The following NRCAM variants were observed in gnomAD, a reference collection of about 807,000 sequenced individuals.
NRCAM encodes neuronal cell adhesion molecule.
In NRCAM, 83 loss-of-function variants were observed where a neutral mutation model predicts 156.5. The observed-to-expected ratio is 0.53, with a 90% CI of 0.44 to 0.64. The LOEUF (loss-of-function observed/expected upper bound fraction) is 0.64, where lower values mean the gene tolerates loss of function less well. NRCAM is among the 30% of genes least tolerant of loss of function. NRCAM has a pLI of 0.00. For missense variants in NRCAM, 1,417 were observed against 1,597.3 expected, an observed-to-expected ratio of 0.89 and a Z score of 1.92; for synonymous variants, 538 against 563.9, an observed-to-expected ratio of 0.95 and a Z score of 0.65.
chr7:108,428,903 G>A (rs1820898586), intron 1 of NRCAM, among the ~76,000 whole-genome samples: 1 of 149,890 alleles, frequency 6.7e-6, no homozygotes, highest in Admixed American at 6.7e-5. Context: ...AAAAGTTTTT[G>A]GAATTTTGAC....
At chr7:108,330,060 C>T (rs1445265588) in intron 2 of NRCAM, among the ~76,000 whole-genome samples, 5 of 152,120 alleles carry the variant, frequency 3.3e-5, no homozygotes, top group Admixed American at 6.5e-5. Context: ...TGATACAACA[C>T]ACATGACTGA....
chr7:108,434,594 C>G (rs1053734798), intron 1 of NRCAM, among the ~76,000 whole-genome samples: 5 of 150,974 alleles, frequency 3.3e-5, no homozygotes, highest in African/African-American at 1.2e-4. Flanking sequence ...CAAGAGAGGA[C>G]AGCTGAATGT....
intron 2 of NRCAM, among the ~76,000 whole-genome samples, chr7:108,354,587 A>G (rs1381725534): frequency 6.6e-6 from 1 of 152,222 alleles, no homozygotes; most frequent in Non-Finnish European, 1.5e-5. Context: ...ATGCTGGATA[A>G]GAACAACATT....
At chr7:108,228,057 C>T (rs1306878250) in intron 8 of NRCAM, among the ~76,000 whole-genome samples, 1 of 152,162 alleles carries the variant, frequency 6.6e-6, no homozygotes, top group Admixed American at 6.5e-5. Context: ...CTTGGTGGCT[C>T]ATGTCTGTAA....
chr7:108,374,461 C>A (rs925218463), intron 2 of NRCAM, among the ~76,000 whole-genome samples: 23 of 151,996 alleles, frequency 1.5e-4, no homozygotes, highest in South Asian at 2.1e-4. Context: ...GAAGACTCTA[C>A]CTGAATATTA....
At chr7:108,422,448 C>A (rs749113130) in intron 1 of NRCAM, among the ~76,000 whole-genome samples, 1 of 152,102 alleles carries the variant, frequency 6.6e-6, no homozygotes, top group Non-Finnish European at 1.5e-5. Flanking sequence ...ACTGAATACT[C>A]ACTTACTGTA....
At chr7:108,447,259 CTT>C (rs34273772) in intron 1 of NRCAM, among the ~76,000 whole-genome samples, 39 of 84,232 alleles carry the variant, frequency 4.6e-4, no homozygotes, top group Non-Finnish European at 5.1e-4. Context: ...TCACTTCTTT[CTT>C]TTTTTTTTTT....
chr7:108,382,679 T>A (rs1191482091), intron 2 of NRCAM, among the ~76,000 whole-genome samples: 2 of 152,136 alleles, frequency 1.3e-5, no homozygotes, highest in African/African-American at 4.8e-5. Flanking sequence ...TACCCTGGCA[T>A]CTAAGTACTA....
chr7:108,216,272 A>G (rs2088783958), intron 11 of NRCAM, among the ~76,000 whole-genome samples: 1 of 152,192 alleles, frequency 6.6e-6, no homozygotes, highest in African/African-American at 2.4e-5. Flanking sequence ...GGTTTCTGCC[A>G]AAAGATCCGC....
At chr7:108,353,568 G>A (rs543744119) in intron 2 of NRCAM, among the ~76,000 whole-genome samples, 7 of 152,122 alleles carry the variant, frequency 4.6e-5, no homozygotes, top group South Asian at 2.1e-4. Context: ...CAATCTTCCC[G>A]CTTCAACCTT....
At chr7:108,390,296 C>T (rs912028672) in intron 2 of NRCAM, among the ~76,000 whole-genome samples, 1 of 152,034 alleles carries the variant, frequency 6.6e-6, no homozygotes, top group Non-Finnish European at 1.5e-5. Context: ...GTACATGTGT[C>T]GGGGAATTTA....
chr7:108,391,149 ATCTG>A (rs1337988661), intron 2 of NRCAM, among the ~76,000 whole-genome samples: 1 of 152,100 alleles, frequency 6.6e-6, no homozygotes, highest in Non-Finnish European at 1.5e-5. Context: ...TGTCTTGTTG[ATCTG>A]TCTAATGTTG....
At chr7:108,256,075 C>A (rs1485378838) in intron 3 of NRCAM, among the ~76,000 whole-genome samples, 7 of 152,140 alleles carry the variant, frequency 4.6e-5, no homozygotes, top group Non-Finnish European at 7.4e-5. Context: ...GCCGCCCCTT[C>A]TGGGAAGTGA....
At chr7:108,387,058 G>C (rs1246333620) in intron 2 of NRCAM, among the ~76,000 whole-genome samples, 1 of 151,946 alleles carries the variant, frequency 6.6e-6, no homozygotes, top group Admixed American at 6.6e-5. Context: ...TCTATCCTCT[G>C]AACATGGGCA....
chr7:108,394,844 T>C (rs1406531402), intron 2 of NRCAM, among the ~76,000 whole-genome samples: 1 of 152,228 alleles, frequency 6.6e-6, no homozygotes, highest in Admixed American at 6.5e-5. Flanking sequence ...TTAAAAGATA[T>C]AATTGCCTCA....
chr7:108,232,341 CAAT>C lies in NRCAM; in HGVS notation c.409_411del (p.Ile137del), dbSNP rs1562863369. On this transcript the variant is annotated inframe_deletion, in exon 7 of 33. Coordinates refer to ENST00000379028, the MANE Select transcript of NRCAM (RefSeq NM_001037132.4). ...TTCCACTTACTGGATGGGCGGACAA[CAAT>C]GTTATTAGAAACTGCAGCTCCGCGT... The C allele has an allele frequency of 1.2e-6, 2 of 1,604,408 alleles. No individual in the cohort carries two copies. The highest frequency in any genetic ancestry group is 1.7e-6 in the Non-Finnish European group (2 of 1,176,646).
At chr7:108,178,178 T>C in intron 25 of NRCAM, 66 bp from the exon 26 acceptor site, 2 of 1,542,202 alleles carry the variant, frequency 1.3e-6, no homozygotes, top group Non-Finnish European at 1.8e-6. Flanking sequence ...TAAATTGACA[T>C]TTCACCGTGC....
At chr7:108,151,623 ATAAAC>A (rs1212905558) in intron 32 of NRCAM, among the ~76,000 whole-genome samples, 1 of 152,216 alleles carries the variant, frequency 6.6e-6, no homozygotes, top group African/African-American at 2.4e-5. Flanking sequence ...TGCAAACTGA[ATAAAC>A]TATATTTTCA....
chr7:108,256,039 C>T (rs1206147426), intron 3 of NRCAM, among the ~76,000 whole-genome samples: 26 of 141,084 alleles, frequency 1.8e-4, no homozygotes, highest in African/African-American at 5.6e-4. Context: ...CCACCCCGTC[C>T]GGGAGGTGGG....
Sources: gnomAD v4.1 joint callset for allele counts (sites outside exome capture counted in the v4.1 genomes callset) on GRCh38, gnomAD v4.1.1 for gene constraint, MANE v1.5 for transcripts, NCBI Gene and HGNC (gene_info 2026-07-23, HGNC 2026-07-21) for gene names.